Variants in PLCB1 observed in about 807,000 individuals in gnomAD.
The protein encoded by PLCB1 is phospholipase C beta 1.
A neutral mutation model predicts 161.8 loss-of-function variants in PLCB1; 46 were observed. That is an observed-to-expected ratio of 0.28 (90% CI 0.22 to 0.36). The LOEUF (loss-of-function observed/expected upper bound fraction) is 0.36. Among genes scored for constraint, PLCB1 ranks in the 10% least tolerant of loss-of-function variants. PLCB1 has a pLI of 1.00. For synonymous variants in PLCB1, 517 were observed against 503.7 expected, an observed-to-expected ratio of 1.03 and a Z score of -0.35; for missense variants, 1,016 against 1,472.5, an observed-to-expected ratio of 0.69 and a Z score of 5.07.
chr20:8,524,895 G>A (rs553327375), intron 3 of PLCB1, among the ~76,000 whole-genome samples: 7 of 152,266 alleles, frequency 4.6e-5, no homozygotes, highest in East Asian at 3.9e-4. Flanking sequence ...GGGAGGGAGC[G>A]TCTGTGTACT....
intron 3 of PLCB1, among the ~76,000 whole-genome samples, chr20:8,552,940 G>GATT (rs1985822100): frequency 6.6e-6 from 1 of 152,086 alleles, no homozygotes; most frequent in East Asian, 1.9e-4. Flanking sequence ...TTGAGAATTT[G>GATT]GGATAAACTT....
intron 11 of PLCB1, among the ~76,000 whole-genome samples, chr20:8,707,972 AT>A (rs1978780595): frequency 6.6e-6 from 1 of 152,138 alleles, no homozygotes; most frequent in Admixed American, 6.5e-5. Context: ...GAATAGGCAA[AT>A]CTATGAATAC....
At chr20:8,757,983 T>G (rs1023231528) in intron 24 of PLCB1, among the ~76,000 whole-genome samples, 1 of 152,048 alleles carries the variant, frequency 6.6e-6, no homozygotes, top group African/African-American at 2.4e-5. Context: ...TATGTCCTGT[T>G]TACCCCAGTA....
chr20:8,577,295 G>C (rs1399597515), intron 3 of PLCB1, among the ~76,000 whole-genome samples: 1 of 151,180 alleles, frequency 6.6e-6, no homozygotes. Context: ...AAAATTAGCT[G>C]GGCGTGGTGG....
intron 31 of PLCB1, among the ~76,000 whole-genome samples, chr20:8,854,476 CCTCTT>C (rs763288860): frequency 2.0e-4 from 30 of 152,206 alleles, no homozygotes; most frequent in Non-Finnish European, 4.1e-4. Context: ...TCCTTTTTCT[CCTCTT>C]CTCCCGGGTC....
intron 10 of PLCB1, 47 bp downstream of exon 10, chr20:8,685,125 T>G: frequency 6.5e-7 from 1 of 1,540,966 alleles, no homozygotes; most frequent in Non-Finnish European, 9.0e-7. Context: ...CTCACCAAAT[T>G]TCACCAACCT....
chr20:8,762,986 A>C (rs1267637405), intron 25 of PLCB1, among the ~76,000 whole-genome samples: 2 of 152,190 alleles, frequency 1.3e-5, no homozygotes, highest in Non-Finnish European at 2.9e-5. Flanking sequence ...AAACATGTGA[A>C]CTATGACTTG....
At chr20:8,142,269 T>G (rs1366421905) in intron 1 of PLCB1, among the ~76,000 whole-genome samples, 1 of 152,180 alleles carries the variant, frequency 6.6e-6, no homozygotes, top group East Asian at 1.9e-4. Flanking sequence ...CATGCTCCTA[T>G]GAGACCTTCG....
intron 14 of PLCB1, among the ~76,000 whole-genome samples, chr20:8,719,222 A>G (rs1429546270): frequency 1.3e-5 from 2 of 152,230 alleles, no homozygotes; most frequent in Non-Finnish European, 2.9e-5. Context: ...AGTTAAACAT[A>G]GGAACAATCA....
intron 31 of PLCB1, among the ~76,000 whole-genome samples, chr20:8,794,347 A>T (rs1400829557): frequency 6.6e-6 from 1 of 152,248 alleles, no homozygotes; most frequent in African/African-American, 2.4e-5. Flanking sequence ...CAGGCGTAAG[A>T]AATTATAAAA....
intron 2 of PLCB1, among the ~76,000 whole-genome samples, chr20:8,155,793 A>T (rs1335118495): frequency 1.3e-5 from 2 of 152,222 alleles, no homozygotes; most frequent in African/African-American, 4.8e-5. Flanking sequence ...GTAGTTATAA[A>T]TTTAGAAGAT....
intron 3 of PLCB1, among the ~76,000 whole-genome samples, chr20:8,578,877 A>G (rs1009593814): frequency 2.0e-5 from 3 of 152,258 alleles, no homozygotes; most frequent in Non-Finnish European, 4.4e-5. Context: ...GGATATTCAT[A>G]TACAGACCCG....
chr20:8,509,134 G>A (rs980507102), intron 3 of PLCB1, among the ~76,000 whole-genome samples: 5 of 151,966 alleles, frequency 3.3e-5, no homozygotes, highest in African/African-American at 7.3e-5. Context: ...TTCATTAGCT[G>A]TCAAAACCTG....
At chr20:8,142,213 T>C (rs1039180601) in intron 1 of PLCB1, among the ~76,000 whole-genome samples, 1 of 152,176 alleles carries the variant, frequency 6.6e-6, no homozygotes, top group African/African-American at 2.4e-5. Context: ...TCACAGTGGG[T>C]TCACACAGGG....
chr20:8,456,171 T>G (rs1981307934), intron 3 of PLCB1, among the ~76,000 whole-genome samples: 1 of 152,196 alleles, frequency 6.6e-6, no homozygotes, highest in Admixed American at 6.5e-5. Context: ...TTGCTGTAGG[T>G]CTCACCACAC....
intron 19 of PLCB1, among the ~76,000 whole-genome samples, chr20:8,733,784 TATAATA>T (rs199683575): frequency 0.17 from 23,660 of 139,084 alleles, 2,433 homozygotes; most frequent in African/African-American, 0.29. Context: ...AAACTTAAAG[TATAATA>T]ATAATAATAA....
At chr20:8,855,350 T>C (rs1987034877) in intron 31 of PLCB1, among the ~76,000 whole-genome samples, 1 of 152,168 alleles carries the variant, frequency 6.6e-6, no homozygotes, top group Non-Finnish European at 1.5e-5. Context: ...ATTCTAACTC[T>C]TTGGTCAAAT....
At chr20:8,700,099 T>A (rs965864443) in intron 11 of PLCB1, among the ~76,000 whole-genome samples, 1 of 152,204 alleles carries the variant, frequency 6.6e-6, no homozygotes, top group Non-Finnish European at 1.5e-5. Flanking sequence ...TACCCCCATG[T>A]GGAACCAGTG....
intron 31 of PLCB1, among the ~76,000 whole-genome samples, chr20:8,877,234 A>G (rs1987812542): frequency 6.6e-6 from 1 of 152,220 alleles, no homozygotes; most frequent in Non-Finnish European, 1.5e-5. Context: ...GTGGAGGACC[A>G]TCTAAGCCTA....
Sources: allele counts gnomAD v4.1 joint callset (sites outside exome capture counted in the v4.1 genomes callset), GRCh38; gene constraint gnomAD v4.1.1; transcripts MANE v1.5; gene names NCBI Gene and HGNC (gene_info 2026-07-23, HGNC 2026-07-21).